The following PCDH11Y variants were observed in gnomAD, a reference collection of about 807,000 sequenced individuals.
PCDH11Y encodes the protein protocadherin-11 Y-linked.
For missense variants in PCDH11Y, 12 were observed against 224.8 expected (o/e 0.05, Z 6.05); for synonymous variants, 9 against 83.6 (o/e 0.11, Z 4.87).
intron 2 of PCDH11Y, among the ~76,000 whole-genome samples, chrY:5,188,629 T>C: frequency 6.0e-5 from 2 of 33,090 alleles, no homozygotes; most frequent in Non-Finnish European, 1.5e-4. Flanking sequence ...ATGATTAAGT[T>C]ACCTCCCACT....
chrY:5,046,489 A>T (rs1170768874), intron 3 of PCDH11Y, among the ~76,000 whole-genome samples: 5 of 33,685 alleles, frequency 1.5e-4, no homozygotes, highest in Non-Finnish European at 3.7e-4. Flanking sequence ...CCAGCTGCAT[A>T]CTGGGAGAAC....
intron 2 of PCDH11Y, among the ~76,000 whole-genome samples, chrY:5,452,741 A>G (rs2053294335): frequency 8.9e-5 from 3 of 33,538 alleles, no homozygotes; most frequent in Admixed American, 8.2e-4. Flanking sequence ...CCCTAATTTT[A>G]TACAACATGA....
chrY:5,074,642 T>C, intron 1 of PCDH11Y, among the ~76,000 whole-genome samples: 1 of 33,153 alleles, frequency 3.0e-5, no homozygotes, highest in African/African-American at 1.2e-4. Flanking sequence ...TAAAACAGAG[T>C]AGCCTGAGGT....
intron 2 of PCDH11Y, among the ~76,000 whole-genome samples, chrY:5,126,300 C>T (rs2124640631): frequency 6.1e-5 from 2 of 32,957 alleles, no homozygotes; most frequent in East Asian, 1.6e-3. Flanking sequence ...GTGGTTTTTG[C>T]GATTAAAAGT....
intron 4 of PCDH11Y, among the ~76,000 whole-genome samples, chrY:5,718,807 T>C: frequency 3.1e-4 from 10 of 32,395 alleles, no homozygotes; most frequent in African/African-American, 1.2e-3. Flanking sequence ...ATTGGAACAG[T>C]TTGTAGGGCT....
chrY:5,253,657 A>C, intron 2 of PCDH11Y, among the ~76,000 whole-genome samples: 1 of 32,417 alleles, frequency 3.1e-5, no homozygotes, highest in Non-Finnish European at 7.5e-5. Context: ...GGCTTATTAC[A>C]CTCCCCAGGA....
At chrY:5,449,022 C>T in intron 2 of PCDH11Y, among the ~76,000 whole-genome samples, 4 of 32,822 alleles carry the variant, frequency 1.2e-4, no homozygotes, top group African/African-American at 3.6e-4. Flanking sequence ...ATGTGTTAAT[C>T]GATTGTTTAT....
intron 1 of PCDH11Y, among the ~76,000 whole-genome samples, chrY:5,067,555 T>TA: frequency 3.0e-5 from 1 of 33,380 alleles, no homozygotes; most frequent in East Asian, 7.9e-4. Flanking sequence ...TTGATTAATG[T>TA]AAAAAATGGC....
At chrY:5,183,523 C>G in intron 2 of PCDH11Y, among the ~76,000 whole-genome samples, 1 of 29,552 alleles carries the variant, frequency 3.4e-5, no homozygotes, top group East Asian at 9.1e-4. Context: ...TTTATGGAAA[C>G]AACTAAAGCA....
chrY:5,308,122 AAT>A (rs2053092518), intron 2 of PCDH11Y, among the ~76,000 whole-genome samples: 1 of 33,439 alleles, frequency 3.0e-5, no homozygotes, highest in Non-Finnish European at 7.4e-5. Context: ...GGAATTTTCA[AAT>A]AGTCATGTAA....
intron 1 of PCDH11Y, among the ~76,000 whole-genome samples, chrY:5,003,035 C>G: frequency 2.9e-5 from 1 of 34,999 alleles, no homozygotes; most frequent in Non-Finnish European, 7.3e-5. Context: ...CGCGCGCTCC[C>G]TGCGCGCAGC....
chrY:5,157,865 TC>T (rs1202958740), intron 2 of PCDH11Y, among the ~76,000 whole-genome samples: 836 of 33,219 alleles, frequency 0.025, no homozygotes, highest in Middle Eastern at 0.2. Context: ...TTAACATTTT[TC>T]CCCCCTGAAC....
chrY:5,329,091 C>G, intron 2 of PCDH11Y, among the ~76,000 whole-genome samples: 2 of 32,657 alleles, frequency 6.1e-5, no homozygotes, highest in Non-Finnish European at 1.5e-4. Context: ...CTATTTGGAA[C>G]TACTGTTGAG....
chrY:5,428,333 A>G, intron 2 of PCDH11Y, among the ~76,000 whole-genome samples: 1 of 33,644 alleles, frequency 3.0e-5, no homozygotes, highest in Non-Finnish European at 7.4e-5. Context: ...TTCTCATTCT[A>G]TAGACTTTTT....
At chrY:5,675,625 A>T (rs1602958784) in intron 4 of PCDH11Y, among the ~76,000 whole-genome samples, 1 of 33,857 alleles carries the variant, frequency 3.0e-5, no homozygotes, top group East Asian at 8.0e-4. Context: ...GGGTAATTCT[A>T]TCTGTTCCAA....
intron 1 of PCDH11Y, among the ~76,000 whole-genome samples, chrY:5,081,937 G>A: frequency 3.0e-5 from 1 of 33,134 alleles, no homozygotes; most frequent in African/African-American, 1.2e-4. Flanking sequence ...GGGCATCCTT[G>A]TCTTGTGCTG....
chrY:5,368,278 G>A, intron 2 of PCDH11Y, among the ~76,000 whole-genome samples: 1 of 33,748 alleles, frequency 3.0e-5, no homozygotes, highest in African/African-American at 1.2e-4. Flanking sequence ...GTGGTTTCAT[G>A]GGCCTGGTGC....
At chrY:5,570,619 T>A in intron 3 of PCDH11Y, among the ~76,000 whole-genome samples, 1 of 32,728 alleles carries the variant, frequency 3.1e-5, no homozygotes, top group Non-Finnish European at 7.6e-5. Flanking sequence ...GAAAATAAAT[T>A]TTCTAATACA....
chrY:5,042,586 G>A (rs1602844457), intron 3 of PCDH11Y, among the ~76,000 whole-genome samples: 1 of 23,226 alleles, frequency 4.3e-5, no homozygotes, highest in Non-Finnish European at 9.8e-5. Context: ...TTGACTTGGC[G>A]ATGCGGGCTC....
Sources: allele counts gnomAD v4.1 joint callset (sites outside exome capture counted in the v4.1 genomes callset), GRCh38; gene constraint gnomAD v4.1.1; transcripts MANE v1.5; gene names NCBI Gene and HGNC (gene_info 2026-07-23, HGNC 2026-07-21).